The following RCAN2 variants were observed in gnomAD, a reference collection of about 807,000 sequenced individuals.
RCAN2 encodes the protein calcipressin-2.
A neutral mutation model predicts 23.6 loss-of-function variants in RCAN2; 9 were observed. The ratio of observed to expected loss-of-function variants is 0.38; its 90% CI spans 0.23 to 0.67. RCAN2 has a LOEUF of 0.67. RCAN2 is among the 30% of genes least tolerant of loss of function. The pLI, the probability that RCAN2 is intolerant of heterozygous loss-of-function variation, is 0.51. For missense variants in RCAN2, 273 were observed against 302.3 expected, an observed-to-expected ratio of 0.90 and a Z score of 0.72; for synonymous variants, 109 against 115.7, an observed-to-expected ratio of 0.94 and a Z score of 0.37.
chr6:46,305,820 A>G (rs2150353701), intron 2 of RCAN2, among the ~76,000 whole-genome samples: 1 of 152,206 alleles, frequency 6.6e-6, no homozygotes, highest in South Asian at 2.1e-4. Context: ...AAACCAATTT[A>G]ACATACGAGA....
intron 2 of RCAN2, among the ~76,000 whole-genome samples, chr6:46,429,770 G>A (rs187372929): frequency 2.2e-4 from 34 of 152,290 alleles, no homozygotes; most frequent in African/African-American, 7.7e-4. Flanking sequence ...CATTCATGCT[G>A]AGATAAGCGC....
At chr6:46,232,215 G>T (rs1765919034) in intron 4 of RCAN2, among the ~76,000 whole-genome samples, 1 of 152,250 alleles carries the variant, frequency 6.6e-6, no homozygotes, top group Non-Finnish European at 1.5e-5. Flanking sequence ...CCATGGGGAA[G>T]TTGCAAACTA....
chr6:46,324,392 C>T (rs1763721795), intron 2 of RCAN2, among the ~76,000 whole-genome samples: 1 of 152,204 alleles, frequency 6.6e-6, no homozygotes, highest in South Asian at 2.1e-4. Context: ...TAAATCCCCA[C>T]CTGTAAAGCA....
At chr6:46,226,328 C>A (rs369397155) in intron 4 of RCAN2, among the ~76,000 whole-genome samples, 5 of 152,014 alleles carry the variant, frequency 3.3e-5, no homozygotes, top group Non-Finnish European at 2.9e-5. Flanking sequence ...GAAGAAAGTC[C>A]TTGGTAGCTT....
intron 2 of RCAN2, among the ~76,000 whole-genome samples, chr6:46,436,799 C>T (rs1767381055): frequency 6.6e-6 from 1 of 152,174 alleles, no homozygotes. Context: ...AAGGCCCTCT[C>T]TCTCTCAATC....
chr6:46,238,841 AC>A (rs1319619192), intron 4 of RCAN2, among the ~76,000 whole-genome samples: 2 of 152,222 alleles, frequency 1.3e-5, no homozygotes, highest in Non-Finnish European at 2.9e-5. Context: ...GGGGTGAGCC[AC>A]CACACTCAGT....
At chr6:46,439,196 T>C (rs2150421395) in intron 2 of RCAN2, among the ~76,000 whole-genome samples, 1 of 152,314 alleles carries the variant, frequency 6.6e-6, no homozygotes, top group Middle Eastern at 3.4e-3. Flanking sequence ...GGCCTGAGAC[T>C]CAAGGCTGGG....
intron 2 of RCAN2, among the ~76,000 whole-genome samples, chr6:46,334,581 T>C (rs1419944230): frequency 2.6e-5 from 4 of 151,772 alleles, no homozygotes; most frequent in Admixed American, 2.6e-4. Flanking sequence ...GCAGGAGAGG[T>C]CCATGAGAAG....
intron 2 of RCAN2, among the ~76,000 whole-genome samples, chr6:46,338,751 G>A (rs898077643): frequency 5.9e-5 from 9 of 152,008 alleles, no homozygotes; most frequent in African/African-American, 7.3e-5. Context: ...GGTGGCTCAC[G>A]CTTATAATCC....
chr6:46,459,135 T>C (rs1768140234), intron 1 of RCAN2, among the ~76,000 whole-genome samples: 2 of 152,184 alleles, frequency 1.3e-5, no homozygotes, highest in South Asian at 4.1e-4. Context: ...TGACCTCAGG[T>C]GATCCACCCA....
At chr6:46,262,248 T>C (rs1172974035) in intron 2 of RCAN2, among the ~76,000 whole-genome samples, 1 of 151,926 alleles carries the variant, frequency 6.6e-6, no homozygotes, top group African/African-American at 2.4e-5. Context: ...ACCTAAATGT[T>C]ATCCTGATCT....
At chr6:46,430,176 G>C in intron 2 of RCAN2, among the ~76,000 whole-genome samples, 1 of 152,198 alleles carries the variant, frequency 6.6e-6, no homozygotes, top group East Asian at 1.9e-4. Context: ...CGCAGACCAA[G>C]ACAGAGACAA....
At chr6:46,394,589 C>T (rs966674843) in intron 2 of RCAN2, among the ~76,000 whole-genome samples, 1 of 152,176 alleles carries the variant, frequency 6.6e-6, no homozygotes, top group Non-Finnish European at 1.5e-5. Context: ...CTCTATCTCT[C>T]TTTGCATTTT....
Position 46,246,622 on chromosome 6 carries a change from CAG to C in RCAN2, c.571+124_571+125del. 7.6e-6 allele frequency: 6 copies of C among 790,774 alleles called. No homozygotes were observed. The South Asian group carries it at 1.1e-4, about 15-fold the overall frequency. 49.0% of individuals were successfully genotyped at this position (790,774 alleles called of 1,614,324 possible). ...CCATCATTCCCTCTCATTGTCCACA[CAG>C]AGGAATAAATCTATTAGAAATGCAG... On this transcript the variant is annotated intron_variant, in intron 4 of 4. Coordinates refer to ENST00000371374, the MANE Select transcript of RCAN2 (RefSeq NM_001251974.2).
chr6:46,403,548 G>C (rs1766318646), intron 2 of RCAN2, among the ~76,000 whole-genome samples: 1 of 149,680 alleles, frequency 6.7e-6, no homozygotes, highest in African/African-American at 2.4e-5. Context: ...CTCCAGCCTG[G>C]GCAACAAGAG....
chr6:46,433,628 G>A (rs1200503475), intron 2 of RCAN2, among the ~76,000 whole-genome samples: 1 of 152,178 alleles, frequency 6.6e-6, no homozygotes, highest in Non-Finnish European at 1.5e-5. Flanking sequence ...GTCAAGGAAT[G>A]CAGGCAACCT....
intron 2 of RCAN2, among the ~76,000 whole-genome samples, chr6:46,270,781 C>A (rs1167080279): frequency 1.3e-5 from 2 of 152,112 alleles, no homozygotes; most frequent in African/African-American, 2.4e-5. Context: ...CTCTGGAGAA[C>A]CCCACATGGC....
chr6:46,432,210 T>C (rs1767229926), intron 2 of RCAN2, among the ~76,000 whole-genome samples: 1 of 152,092 alleles, frequency 6.6e-6, no homozygotes, highest in Non-Finnish European at 1.5e-5. Flanking sequence ...TTTGTTTTGT[T>C]TTGTTTTGTT....
At chr6:46,382,111 G>A (rs1177769821) in intron 2 of RCAN2, among the ~76,000 whole-genome samples, 2 of 152,136 alleles carry the variant, frequency 1.3e-5, no homozygotes, top group African/African-American at 4.8e-5. Flanking sequence ...AGGGAGAGCT[G>A]GGCATTAGAT....
Sources: gnomAD v4.1 joint callset for allele counts (sites outside exome capture counted in the v4.1 genomes callset) on GRCh38, gnomAD v4.1.1 for gene constraint, MANE v1.5 for transcripts, NCBI Gene and HGNC (gene_info 2026-07-23, HGNC 2026-07-21) for gene names.